The following NXN variants were observed in gnomAD, a reference collection of about 807,000 sequenced individuals.
NXN encodes nucleoredoxin 1.
In NXN, 16 loss-of-function variants were observed where a neutral mutation model predicts 48.6. The ratio of observed to expected loss-of-function variants is 0.33; its 90% confidence interval spans 0.22 to 0.50. The LOEUF (loss-of-function observed/expected upper bound fraction) is 0.50, where lower values mean the gene tolerates loss of function less well. Among genes scored for constraint, NXN ranks in the 20% least tolerant of loss-of-function variants. The pLI is 0.98. For synonymous variants in NXN, 281 were observed against 269.6 expected (o/e 1.04, Z -0.41); for missense variants, 492 against 605.5 (o/e 0.81, Z 1.97).
intron 1 of NXN, among the ~76,000 whole-genome samples, chr17:962,597 T>C (rs1187393348): frequency 6.6e-6 from 1 of 152,218 alleles, no homozygotes; most frequent in Non-Finnish European, 1.5e-5. Context: ...CCTGAATTTA[T>C]CTATTTCATA....
rs993278198 is a variant in NXN, at chr17:956,602, A to G, written c.360+22717T>C. On this transcript the variant is annotated intron_variant, in intron 1 of 7. Transcript: ENST00000336868. This position sits in a 1 kb window ranked among gnomAD's most constrained non-coding sequence, Gnocchi z 4.1. ...CTAATTTTTTGTATTTTTAGTAGCA[A>G]TGGGGTTTCACCGTGTTAGCCAGGA... Among the ~76,000 whole-genome samples the G allele has an allele frequency of 6.6e-6, 1 of 152,000 alleles. No individual in the cohort carries two copies. The highest frequency in any genetic ancestry group is 2.4e-5 in the African/African-American group (1 of 41,378).
intron 2 of NXN, among the ~76,000 whole-genome samples, chr17:824,624 G>C (rs552338276): frequency 2.0e-4 from 30 of 152,316 alleles, no homozygotes; most frequent in African/African-American, 7.0e-4. Context: ...CCCACGCCCA[G>C]AGATTCTGAT....
chr17:833,909 A>G (rs1448017452), intron 1 of NXN, among the ~76,000 whole-genome samples: 2 of 151,072 alleles, frequency 1.3e-5, no homozygotes, highest in African/African-American at 4.9e-5. Flanking sequence ...AAAAAATCTC[A>G]CTCTCCCCGC....
intron 1 of NXN, among the ~76,000 whole-genome samples, chr17:946,616 C>T (rs572681905): frequency 5.3e-5 from 8 of 152,316 alleles, no homozygotes; most frequent in South Asian, 2.1e-4. Flanking sequence ...CAAAAGACAG[C>T]GGTGACATTT....
At chr17:906,465 C>G (rs990761318) in intron 1 of NXN, among the ~76,000 whole-genome samples, 2 of 152,006 alleles carry the variant, frequency 1.3e-5, no homozygotes, top group Admixed American at 6.6e-5. Flanking sequence ...GGTCATAAAA[C>G]TCAAATGAAG....
At chr17:827,664 T>C (rs1913203884) in intron 1 of NXN, among the ~76,000 whole-genome samples, 1 of 152,186 alleles carries the variant, frequency 6.6e-6, no homozygotes, top group South Asian at 2.1e-4. Context: ...TTGGGCTGTG[T>C]TCCTCCAGAA....
At chr17:893,426 C>A (rs190891035) in intron 1 of NXN, among the ~76,000 whole-genome samples, 3 of 152,208 alleles carry the variant, frequency 2.0e-5, no homozygotes, top group Non-Finnish European at 4.4e-5. Context: ...GGTGAGAATG[C>A]CCTCCTTGGA....
At chr17:866,666 G>T (rs913947759) in intron 1 of NXN, among the ~76,000 whole-genome samples, 1 of 152,164 alleles carries the variant, frequency 6.6e-6, no homozygotes, top group Non-Finnish European at 1.5e-5. Context: ...TACGTGCATG[G>T]AGTTCTGCTT....
intron 5 of NXN, among the ~76,000 whole-genome samples, chr17:812,638 G>GCATCT (rs1912149968): frequency 6.6e-6 from 1 of 151,458 alleles, no homozygotes; most frequent in South Asian, 2.1e-4. Context: ...GTAGGTGTGT[G>GCATCT]TGAGTGTGCA....
At chr17:812,810 A>G (rs969671732) in intron 5 of NXN, among the ~76,000 whole-genome samples, 108 of 123,934 alleles carry the variant, frequency 8.7e-4, no homozygotes, top group African/African-American at 3.3e-3. Context: ...GCGTGAGTGT[A>G]GGTGTGTGTG....
chr17:871,570 A>C (rs2068155269), intron 1 of NXN, among the ~76,000 whole-genome samples: 2 of 151,212 alleles, frequency 1.3e-5, no homozygotes. Context: ...ATGCCCAGCT[A>C]ATTTTTGTAG....
At chr17:890,498 C>A (rs1338889692) in intron 1 of NXN, among the ~76,000 whole-genome samples, 2 of 152,050 alleles carry the variant, frequency 1.3e-5, no homozygotes, top group Admixed American at 1.3e-4. Context: ...CTCAGCCTCC[C>A]CAGTAGCTAG....
chr17:853,723 A>ATATATATATATTTTTT (rs1491528474), intron 1 of NXN, among the ~76,000 whole-genome samples: 44 of 105,966 alleles, frequency 4.2e-4, no homozygotes, highest in Non-Finnish European at 7.1e-4. Flanking sequence ...ATATATATAT[A>ATATATATATATTTTTT]TTTTTTTTTT....
At chr17:812,771 T>TAGGTGTGTGCATGTGTGTAG (rs1912182337) in intron 5 of NXN, among the ~76,000 whole-genome samples, 1 of 146,604 alleles carries the variant, frequency 6.8e-6, no homozygotes, top group South Asian at 2.2e-4. Context: ...TGTGTGAGTG[T>TAGGTGTGTGCATGTGTGTAG]AGGTGTGTGC....
chr17:819,871 A>G (rs910070635), intron 4 of NXN, among the ~76,000 whole-genome samples: 1 of 152,218 alleles, frequency 6.6e-6, no homozygotes, highest in Non-Finnish European at 1.5e-5. Flanking sequence ...AGATGTGCAC[A>G]GCCACTGCAT....
intron 1 of NXN, among the ~76,000 whole-genome samples, chr17:866,551 G>A (rs541094102): frequency 2.6e-5 from 4 of 152,300 alleles, no homozygotes; most frequent in East Asian, 1.9e-4. Flanking sequence ...CAGCCTGGGC[G>A]ACAGAGACCC....
At chr17:975,948 C>T (rs1463511440) in intron 1 of NXN, among the ~76,000 whole-genome samples, 1 of 152,202 alleles carries the variant, frequency 6.6e-6, no homozygotes, top group Non-Finnish European at 1.5e-5. Context: ...TAAAACAAGT[C>T]TAACTGCCTT....
chr17:840,139 T>C (rs1327353471), intron 1 of NXN, among the ~76,000 whole-genome samples: 1 of 151,304 alleles, frequency 6.6e-6, no homozygotes, highest in Non-Finnish European at 1.5e-5. Flanking sequence ...CCATTTCTAC[T>C]GGACCATAAA....
intron 1 of NXN, among the ~76,000 whole-genome samples, chr17:934,964 T>C (rs1486529640): frequency 1.3e-5 from 2 of 150,964 alleles, no homozygotes; most frequent in African/African-American, 4.9e-5. Context: ...TATTGCATCA[T>C]TTTGCTGTGC....
Sources: allele counts gnomAD v4.1 joint callset (sites outside exome capture counted in the v4.1 genomes callset), GRCh38; gene constraint gnomAD v4.1.1; non-coding constraint Gnocchi (gnomAD v3.1); transcripts MANE v1.5; gene names NCBI Gene and HGNC (gene_info 2026-07-23, HGNC 2026-07-21).